Variants in SLC25A13 observed in about 807,000 individuals in gnomAD.
SLC25A13 encodes solute carrier family 25 member 13.
In SLC25A13, 70 loss-of-function variants were observed where a neutral mutation model predicts 85.5. That is an observed-to-expected ratio of 0.82 (90% CI 0.68 to 1.00). The LOEUF is 1.00. Among genes scored for constraint, SLC25A13 ranks in the 50% least tolerant of loss-of-function variants. The probability of loss-of-function intolerance (pLI) is 0.00; values close to 1 mark genes in which losing one functional copy is unlikely to be tolerated. For synonymous variants in SLC25A13, 259 were observed against 288.7 expected (o/e 0.90, Z 1.04); for missense variants, 765 against 819.8 (o/e 0.93, Z 0.82).
At chr7:96,154,638 C>T (rs1461958287) in intron 13 of SLC25A13, among the ~76,000 whole-genome samples, 1 of 152,082 alleles carries the variant, frequency 6.6e-6, no homozygotes, top group African/African-American at 2.4e-5. Flanking sequence ...ACTTTGCACA[C>T]AGTCAATGGT....
chr7:96,149,935 T>C (rs1256118359), intron 13 of SLC25A13, among the ~76,000 whole-genome samples: 1 of 152,168 alleles, frequency 6.6e-6, no homozygotes, highest in East Asian at 1.9e-4. Context: ...CCTCATCACT[T>C]GAAAGCTCTG....
chr7:96,121,519 CCTTGTTAACA>C, intron 17 of SLC25A13, 126 bp downstream of exon 17: 2 of 1,374,842 alleles, frequency 1.5e-6, no homozygotes, highest in Non-Finnish European at 2.1e-6. Flanking sequence ...TTGGAAATGA[CCTTGTTAACA>C]CAATTTCAAC....
At chr7:96,261,911 G>A (rs145950995) in intron 3 of SLC25A13, among the ~76,000 whole-genome samples, 1 of 152,240 alleles carries the variant, frequency 6.6e-6, no homozygotes, top group East Asian at 1.9e-4. Flanking sequence ...CTCATCCTTT[G>A]ATAAGAAACC....
At chr7:96,146,534 A>T in intron 14 of SLC25A13, 22 bp downstream of exon 14, 1 of 1,596,482 alleles carries the variant, frequency 6.3e-7, no homozygotes, top group Non-Finnish European at 8.6e-7. Context: ...CAAATAAATG[A>T]CTAAAAAAAA....
At chr7:96,150,057 A>G (rs1358931258) in intron 13 of SLC25A13, among the ~76,000 whole-genome samples, 2 of 152,010 alleles carry the variant, frequency 1.3e-5, no homozygotes, top group East Asian at 3.9e-4. Context: ...TTCCATACTG[A>G]ACTGGCTCAG....
chr7:96,283,797 G>A (rs1199825641), intron 2 of SLC25A13: 3 of 121,916 alleles, frequency 2.5e-5, no homozygotes, highest in South Asian at 2.4e-4. Context: ...TATTTCCTAT[G>A]ACTTCATGGC....
intron 3 of SLC25A13, among the ~76,000 whole-genome samples, chr7:96,265,420 C>T (rs981425567): frequency 6.6e-6 from 1 of 152,156 alleles, no homozygotes; most frequent in South Asian, 2.1e-4. Context: ...TCAAAAAAGT[C>T]ATTCTTTCAA....
intron 5 of SLC25A13, among the ~76,000 whole-genome samples, chr7:96,208,401 G>A (rs539420806): frequency 6.6e-6 from 1 of 152,130 alleles, no homozygotes; most frequent in Non-Finnish European, 1.5e-5. Flanking sequence ...TAGTAAGTAT[G>A]TAGTAAGTAA....
At chr7:96,229,115 G>A (rs1197392619) in intron 4 of SLC25A13, among the ~76,000 whole-genome samples, 1 of 152,206 alleles carries the variant, frequency 6.6e-6, no homozygotes, top group Non-Finnish European at 1.5e-5. Flanking sequence ...TGGGACTGAT[G>A]GGCAGCTCCG....
intron 1 of SLC25A13, among the ~76,000 whole-genome samples, chr7:96,298,046 T>C (rs908350592): frequency 6.6e-6 from 1 of 152,102 alleles, no homozygotes; most frequent in African/African-American, 2.4e-5. Context: ...CCAATCCTCC[T>C]AGCAAAAAAC....
intron 2 of SLC25A13, among the ~76,000 whole-genome samples, chr7:96,281,731 G>A (rs1012560437): frequency 6.6e-6 from 1 of 152,278 alleles, no homozygotes; most frequent in Middle Eastern, 3.4e-3. Flanking sequence ...AAGTCTTTGA[G>A]AGATATTATC....
At chr7:96,154,214 G>C (rs1444376165) in intron 13 of SLC25A13, among the ~76,000 whole-genome samples, 1 of 151,378 alleles carries the variant, frequency 6.6e-6, no homozygotes, top group Admixed American at 6.6e-5. Flanking sequence ...TTTATAAAGT[G>C]TCAGAAATTT....
chr7:96,297,577 G>A (rs1799393377), intron 1 of SLC25A13, among the ~76,000 whole-genome samples: 2 of 151,922 alleles, frequency 1.3e-5, no homozygotes, highest in Admixed American at 1.3e-4. Context: ...CAAGTGATCT[G>A]CCCGCCTCAG....
At chr7:96,207,800 A>G (rs1306685535) in intron 5 of SLC25A13, among the ~76,000 whole-genome samples, 1 of 152,104 alleles carries the variant, frequency 6.6e-6, no homozygotes, top group African/African-American at 2.4e-5. Context: ...GGGTGGGGGA[A>G]GGGGGTCACG....
intron 3 of SLC25A13, among the ~76,000 whole-genome samples, chr7:96,271,833 C>T (rs1798250700): frequency 6.6e-6 from 1 of 151,896 alleles, no homozygotes; most frequent in African/African-American, 2.4e-5. Context: ...AAATAGAACA[C>T]AAAGCACATC....
chr7:96,234,413 A>G (rs1796667496), intron 4 of SLC25A13, among the ~76,000 whole-genome samples: 1 of 152,164 alleles, frequency 6.6e-6, no homozygotes, highest in South Asian at 2.1e-4. Context: ...GAAGACAAGA[A>G]GTATAGGGTG....
chr7:96,204,592 G>A (rs1356288375), intron 5 of SLC25A13, among the ~76,000 whole-genome samples: 2 of 152,164 alleles, frequency 1.3e-5, no homozygotes, highest in Non-Finnish European at 2.9e-5. Flanking sequence ...GGCAAAGGAT[G>A]TGAATACCTG....
intron 2 of SLC25A13, chr7:96,283,816 G>A (rs1798776983): frequency 2.6e-5 from 3 of 113,428 alleles, no homozygotes; most frequent in African/African-American, 1.0e-4. Flanking sequence ...GCAAATAGGT[G>A]TTTAAAAAAA....
chr7:96,167,969 G>A (rs952410694), intron 13 of SLC25A13, among the ~76,000 whole-genome samples: 19 of 151,624 alleles, frequency 1.3e-4, no homozygotes, highest in African/African-American at 4.8e-5. Context: ...ACATGGTGGT[G>A]TGTGCCTGTA....
Sources: gnomAD v4.1 joint callset for allele counts (sites outside exome capture counted in the v4.1 genomes callset) on GRCh38, gnomAD v4.1.1 for gene constraint, MANE v1.5 for transcripts, NCBI Gene and HGNC (gene_info 2026-07-23, HGNC 2026-07-21) for gene names.